IGF2BP3: variants seen among roughly 807,000 people sequenced by gnomAD.
The protein encoded by IGF2BP3 is insulin like growth factor 2 mRNA binding protein 3, also known as insulin-like growth factor 2 mRNA-binding protein 3.
IGF2BP3 carries 9 observed loss-of-function variants against 73.8 expected under a neutral mutation model. That is an observed-to-expected ratio of 0.12 (90% CI 0.07 to 0.21). The LOEUF (loss-of-function observed/expected upper bound fraction) is 0.21, where lower values mean the gene tolerates loss of function less well. Among genes scored for constraint, IGF2BP3 ranks in the 10% least tolerant of loss-of-function variants. IGF2BP3 has a pLI of 1.00. For missense variants in IGF2BP3, 542 were observed against 714.0 expected (o/e 0.76, Z 2.75); for synonymous variants, 258 against 256.7 (o/e 1.01, Z -0.05).
chr7:23,350,744 C>G (rs996482846), intron 6 of IGF2BP3, among the ~76,000 whole-genome samples: 1 of 152,342 alleles, frequency 6.6e-6, no homozygotes, highest in Non-Finnish European at 1.5e-5. Context: ...TGATAATTAG[C>G]TCCAACATTT....
chr7:23,469,185 CT>C lies in IGF2BP3; in HGVS notation c.176-644del, dbSNP rs1264038210. On this transcript the variant is annotated intron_variant, in intron 1 of 14. Coordinates refer to ENST00000258729, the MANE Select transcript of IGF2BP3 (RefSeq NM_006547.3). This position sits in a 1 kb window ranked among gnomAD's most constrained non-coding sequence, Gnocchi z 6.1. Reference sequence around the variant, plus strand: ...TGGGGACCCCAACGCAGCCTTCCCCCTGGGCGTCCTGCTCCGCCCGGCACCG... The same window carrying C: ...TGGGGACCCCAACGCAGCCTTCCCCCGGGCGTCCTGCTCCGCCCGGCACCG... 4 of 153,084 alleles carry C rather than the reference CT, an allele frequency of 2.6e-5. No individual in the cohort carries two copies. Among genetic ancestry groups the C allele is most frequent in the Non-Finnish European group, 5.8e-5 (4 of 68,664 alleles). The allele number at this position is 153,084 out of a possible 1,614,324, so 9.5% of individuals were successfully genotyped here.
At chr7:23,402,271 A>C (rs376046365) in intron 3 of IGF2BP3, 1 of 152,364 alleles carries the variant, frequency 6.6e-6, no homozygotes, top group East Asian at 1.9e-4. Flanking sequence ...AAAGTAACAT[A>C]TACTTTGCAG....
chr7:23,356,407 A>G (rs78244010), intron 5 of IGF2BP3, among the ~76,000 whole-genome samples: 1 of 152,058 alleles, frequency 6.6e-6, no homozygotes, highest in East Asian at 1.9e-4. Context: ...AAAAAAAAAA[A>G]TTAGCTGGGT....
chr7:23,386,542 T>G (rs775562611), intron 3 of IGF2BP3, among the ~76,000 whole-genome samples: 10 of 152,158 alleles, frequency 6.6e-5, no homozygotes, highest in Non-Finnish European at 1.5e-4. Context: ...TAAAGTAGTA[T>G]TAGACTATAG....
At chr7:23,348,859 G>A (rs1784894823) in intron 6 of IGF2BP3, among the ~76,000 whole-genome samples, 2 of 152,108 alleles carry the variant, frequency 1.3e-5, no homozygotes, top group Non-Finnish European at 2.9e-5. Flanking sequence ...GGGAAGAGAT[G>A]GTTAAATAAC....
intron 3 of IGF2BP3, among the ~76,000 whole-genome samples, chr7:23,407,906 T>TA (rs1786888152): frequency 8.4e-6 from 1 of 119,304 alleles, no homozygotes; most frequent in Admixed American, 1.2e-4. Context: ...AAGTGGAGTT[T>TA]ATCATAGGAA....
intron 12 of IGF2BP3, 56 bp from the exon 13 acceptor site, chr7:23,313,709 A>C: frequency 6.3e-7 from 1 of 1,576,652 alleles, no homozygotes; most frequent in Non-Finnish European, 8.6e-7. Flanking sequence ...GGAAAAGGTC[A>C]GTTAACTTGA....
intron 2 of IGF2BP3, among the ~76,000 whole-genome samples, chr7:23,443,450 G>A (rs900906099): frequency 1.3e-5 from 2 of 151,890 alleles, no homozygotes; most frequent in Admixed American, 6.6e-5. Context: ...TAGTAGAGAC[G>A]GGGTTTCGCC....
At chr7:23,450,219 G>A (rs1162449279) in intron 2 of IGF2BP3, among the ~76,000 whole-genome samples, 1 of 152,184 alleles carries the variant, frequency 6.6e-6, no homozygotes, top group Non-Finnish European at 1.5e-5. Flanking sequence ...GAAAAGGGAA[G>A]CATGCATAAA....
chr7:23,355,639 G>T (rs2128506260), intron 5 of IGF2BP3, among the ~76,000 whole-genome samples: 1 of 152,168 alleles, frequency 6.6e-6, no homozygotes, highest in South Asian at 2.1e-4. Context: ...GTATTGATAA[G>T]AAGTTTACTG....
intron 3 of IGF2BP3, among the ~76,000 whole-genome samples, chr7:23,416,376 C>T (rs1405388308): frequency 6.6e-6 from 1 of 152,126 alleles, no homozygotes; most frequent in Non-Finnish European, 1.5e-5. Flanking sequence ...AGGCCCCTTC[C>T]TTTTTTCATC....
At chr7:23,369,041 T>C (rs954572304) in intron 3 of IGF2BP3, among the ~76,000 whole-genome samples, 2 of 152,238 alleles carry the variant, frequency 1.3e-5, no homozygotes, top group Non-Finnish European at 2.9e-5. Flanking sequence ...TTTTGCCTTT[T>C]AAACTCTGAA....
Position 23,312,850 on chromosome 7 carries a change from TGAAA to T in IGF2BP3, c.1528-6_1528-3del. 1 of 1,588,532 alleles carries T rather than the reference TGAAA, an allele frequency of 6.3e-7. No individual in the cohort carries two copies. ...TGACAAATTCTGAAGTTCATTCACCTGAAAGAGATAAATATAAATCACATTAAGT... is the reference window on the plus strand; with the variant it reads ...TGACAAATTCTGAAGTTCATTCACCTGAGATAAATATAAATCACATTAAGT... On this transcript the variant is annotated splice_region_variant and splice_polypyrimidine_tract_variant and intron_variant, in intron 13 of 14. Coordinates refer to ENST00000258729, the MANE Select transcript of IGF2BP3 (RefSeq NM_006547.3).
chr7:23,409,014 G>C lies in IGF2BP3; in HGVS notation c.285+9762C>G, dbSNP rs1036891044. Among the ~76,000 whole-genome samples the C allele has an allele frequency of 4.2e-4, 64 of 152,184 alleles. 1 individual carries two copies. The highest frequency in any genetic ancestry group is 4.2e-3 in the Admixed American group (64 of 15,280). The stretch of plus-strand genomic sequence containing the variant: ...TTCAGGATGAAACTGTTCCACCTCA[G>C]ATCATCAGGCATTAGATTCTCCTAA... On this transcript the variant is annotated intron_variant, in intron 3 of 14. Coordinates refer to ENST00000258729, the MANE Select transcript of IGF2BP3 (RefSeq NM_006547.3).
intron 3 of IGF2BP3, among the ~76,000 whole-genome samples, chr7:23,367,064 C>T (rs1005900628): frequency 3.3e-5 from 5 of 151,182 alleles, no homozygotes; most frequent in African/African-American, 1.2e-4. Flanking sequence ...CTGCAACCTC[C>T]GCCTCCCAGG....
At chr7:23,322,329 A>C (rs966661924) in intron 10 of IGF2BP3, among the ~76,000 whole-genome samples, 9 of 152,232 alleles carry the variant, frequency 5.9e-5, no homozygotes, top group Admixed American at 6.5e-5. Context: ...CAGCGATGGA[A>C]GATGAAGTGA....
intron 2 of IGF2BP3, among the ~76,000 whole-genome samples, chr7:23,449,524 C>G (rs1788144929): frequency 6.6e-6 from 1 of 150,456 alleles, no homozygotes; most frequent in South Asian, 2.1e-4. Context: ...AAAAAAATAC[C>G]TGATACAATT....
intron 2 of IGF2BP3, among the ~76,000 whole-genome samples, chr7:23,448,142 A>G (rs1788108645): frequency 6.6e-6 from 1 of 152,224 alleles, no homozygotes; most frequent in Non-Finnish European, 1.5e-5. Flanking sequence ...AGTGACCACA[A>G]GGTTCCAGCC....
At chr7:23,398,147 G>A (rs1182082153) in intron 3 of IGF2BP3, among the ~76,000 whole-genome samples, 1 of 147,826 alleles carries the variant, frequency 6.8e-6, no homozygotes, top group East Asian at 2.0e-4. Flanking sequence ...CCACCTATGA[G>A]TGAGAACATG....
Sources: gnomAD v4.1 joint callset for allele counts (sites outside exome capture counted in the v4.1 genomes callset) on GRCh38, gnomAD v4.1.1 for gene constraint, Gnocchi (gnomAD v3.1) non-coding constraint, MANE v1.5 for transcripts, NCBI Gene and HGNC (gene_info 2026-07-23, HGNC 2026-07-21) for gene names.